Variants in WDR45B observed in about 807,000 individuals in gnomAD.
WDR45B encodes the protein WD repeat domain phosphoinositide-interacting protein 3.
A neutral mutation model predicts 44.6 loss-of-function variants in WDR45B; 20 were observed. That is an observed-to-expected ratio of 0.45 (90% CI 0.32 to 0.65). The LOEUF (loss-of-function observed/expected upper bound fraction) is 0.65, where lower values mean the gene tolerates loss of function less well. WDR45B is among the 30% of genes least tolerant of loss of function. The pLI is 0.05. For synonymous variants in WDR45B, 169 were observed against 164.9 expected (o/e 1.02, Z -0.19); for missense variants, 323 against 430.2 (o/e 0.75, Z 2.20).
chr17:82,619,800 T>A (rs2143255431), intron 6 of WDR45B, among the ~76,000 whole-genome samples: 1 of 151,808 alleles, frequency 6.6e-6, no homozygotes, highest in Non-Finnish European at 1.5e-5. Flanking sequence ...CTCCTGGGGG[T>A]GCAGTAAGGA....
At chr17:82,620,020 A>T (rs557693764) in intron 6 of WDR45B, among the ~76,000 whole-genome samples, 1 of 152,362 alleles carries the variant, frequency 6.6e-6, no homozygotes, top group African/African-American at 2.4e-5. Context: ...GGGAGTGGGG[A>T]TGGAGAATCT....
chr17:82,648,405 GTCCC>G lies in WDR45B; in HGVS notation c.-69_-66del. ...GCCTCTCGCTGGGGACGGCGGCCTG[GTCCC>G]TTCGGGCCGGCGCTGAGGCCGCCGC... On this transcript the variant is annotated 5_prime_UTR_variant, in exon 1 of 10. Transcript: ENST00000392325. The G allele has an allele frequency of 6.4e-7, 1 of 1,568,738 alleles. No individual in the cohort carries two copies. Among genetic ancestry groups the G allele is most frequent in the Non-Finnish European group, 8.6e-7 (1 of 1,157,856 alleles).
chr17:82,641,383 C>T (rs1324409209), intron 2 of WDR45B, among the ~76,000 whole-genome samples: 2 of 152,208 alleles, frequency 1.3e-5, no homozygotes, highest in Non-Finnish European at 2.9e-5. Context: ...TTTTCACCCA[C>T]GGTTCCTGGC....
At chr17:82,633,035 C>T (rs369611526) in intron 2 of WDR45B, among the ~76,000 whole-genome samples, 4 of 151,990 alleles carry the variant, frequency 2.6e-5, no homozygotes, top group Admixed American at 1.3e-4. Context: ...TGGTGGCAGG[C>T]GCCTGTAATC....
intron 1 of WDR45B, chr17:82,644,394 A>C (rs1310952250): frequency 8.7e-6 from 3 of 344,102 alleles, no homozygotes; most frequent in African/African-American, 6.4e-5. Context: ...AGGTGAAGGG[A>C]AGGGCAGGGT....
chr17:82,645,252 C>A (rs2045961482), intron 1 of WDR45B, among the ~76,000 whole-genome samples: 1 of 151,206 alleles, frequency 6.6e-6, no homozygotes, highest in Admixed American at 6.6e-5. Flanking sequence ...GAGCTCAGAT[C>A]ACGCCACTGC....
intron 1 of WDR45B, chr17:82,644,228 G>C (rs1210496828): frequency 3.2e-6 from 2 of 619,940 alleles, no homozygotes; most frequent in African/African-American, 3.7e-5. Context: ...TTGTCCTTTA[G>C]CAAAGGAGTC....
chr17:82,648,171 A>C (rs1260312883), intron 1 of WDR45B, 103 bp downstream of exon 1: 12 of 1,344,280 alleles, frequency 8.9e-6, no homozygotes, highest in Non-Finnish European at 1.1e-5. Flanking sequence ...TCCCGGGTGG[A>C]AGGCCTGGCC....
intron 7 of WDR45B, 77 bp downstream of exon 7, chr17:82,618,966 C>T (rs1430122772): frequency 7.1e-7 from 1 of 1,417,714 alleles, no homozygotes; most frequent in Non-Finnish European, 1.0e-6. Flanking sequence ...CTCCTACCCC[C>T]TCTCCCAAAT....
intron 2 of WDR45B, among the ~76,000 whole-genome samples, chr17:82,642,882 G>A (rs1029052348): frequency 6.6e-6 from 1 of 152,132 alleles, no homozygotes. Flanking sequence ...AAGCTTCTGG[G>A]TCAATTCAGT....
chr17:82,621,848 C>A (rs780147389), intron 5 of WDR45B, 49 bp from the exon 6 acceptor site: 1 of 1,601,386 alleles, frequency 6.2e-7, no homozygotes, highest in Non-Finnish European at 8.5e-7. Flanking sequence ...TGATTTCTCA[C>A]AGCCAAAGTC....
intron 2 of WDR45B, among the ~76,000 whole-genome samples, chr17:82,634,503 A>G (rs1000667097): frequency 6.6e-6 from 1 of 150,560 alleles, no homozygotes; most frequent in Non-Finnish European, 1.5e-5. Context: ...AAAAAAAAGA[A>G]AAAAACAAAG....
chr17:82,635,177 T>G (rs2045817052), intron 2 of WDR45B, among the ~76,000 whole-genome samples: 1 of 152,106 alleles, frequency 6.6e-6, no homozygotes. Context: ...ACCATAATTT[T>G]TTTTTTAAAA....
chr17:82,618,193 A>G (rs8068891), intron 7 of WDR45B, among the ~76,000 whole-genome samples: 125,202 of 152,208 alleles, frequency 0.82, 51,723 homozygotes, highest in South Asian at 0.91. Context: ...GCCTCCCAAA[A>G]TGCTGGGATT....
chr17:82,618,965 C>G (rs1363304594), intron 7 of WDR45B, 78 bp downstream of exon 7: 5 of 1,395,472 alleles, frequency 3.6e-6, no homozygotes, highest in East Asian at 4.6e-5. Context: ...GCTCCTACCC[C>G]CTCTCCCAAA....
intron 2 of WDR45B, among the ~76,000 whole-genome samples, chr17:82,642,982 A>G (rs1300748200): frequency 6.6e-6 from 1 of 152,168 alleles, no homozygotes; most frequent in Non-Finnish European, 1.5e-5. Context: ...CCCATCATAC[A>G]TTTATCTGCA....
At chr17:82,647,086 G>A (rs940143504) in intron 1 of WDR45B, among the ~76,000 whole-genome samples, 1 of 152,130 alleles carries the variant, frequency 6.6e-6, no homozygotes, top group Non-Finnish European at 1.5e-5. Flanking sequence ...AAAAGTAGCC[G>A]GGCGTGGAGG....
At position 82,614,904 on chromosome 17, in the gene WDR45B, G is replaced by A. The variant is rs1451357343; in HGVS notation, c.*1015C>T. ...GTTACCAAATGTTAAAAAAAGTTAT[G>A]TGCCTCTCCTTCCCAAAATGTTAGT... On this transcript the variant is annotated 3_prime_UTR_variant, in exon 10 of 10. Coordinates refer to ENST00000392325, the MANE Select transcript of WDR45B (RefSeq NM_019613.4). 1 of 152,130 alleles carries A rather than the reference G, an allele frequency of 6.6e-6. No homozygotes were observed. The highest frequency in any genetic ancestry group is 6.6e-5 in the Admixed American group (1 of 15,262). The allele number at this position is 152,130 out of a possible 1,614,324, so 9.4% of individuals were successfully genotyped here. A position where few individuals can be genotyped will look rare whatever the true frequency, so the allele number is the denominator to read the frequency against.
At chr17:82,647,406 G>T (rs2045992489) in intron 1 of WDR45B, among the ~76,000 whole-genome samples, 1 of 152,164 alleles carries the variant, frequency 6.6e-6, no homozygotes, top group Non-Finnish European at 1.5e-5. Flanking sequence ...CTTCAAATGG[G>T]AGGTGAGGAG....
Sources: allele counts gnomAD v4.1 joint callset (sites outside exome capture counted in the v4.1 genomes callset), GRCh38; gene constraint gnomAD v4.1.1; transcripts MANE v1.5; gene names NCBI Gene and HGNC (gene_info 2026-07-23, HGNC 2026-07-21).